The following CDK18 variants were observed in gnomAD, a reference collection of about 807,000 sequenced individuals.
The protein encoded by CDK18 is cyclin dependent kinase 18.
Under a neutral mutation model 62.0 loss-of-function variants are expected in CDK18, and 52 were observed. That is an observed-to-expected ratio of 0.84 (90% confidence interval 0.67 to 1.06). The LOEUF (loss-of-function observed/expected upper bound fraction) is 1.06. Ranked by LOEUF, CDK18 falls within the 50% of genes least tolerant of loss-of-function variation. The pLI is 0.00. For missense variants in CDK18, 604 were observed against 619.9 expected (o/e 0.97, Z 0.27); for synonymous variants, 237 against 247.0 (o/e 0.96, Z 0.38).
Position 205,530,245 on chromosome 1 carries a change from C to G in CDK18, c.1222-14C>G. ...CCCCAGCCGGGCCCAATAGCCCCAC[C>G]CTGTGCCTTTCAGTATGAATCCAAG... On this transcript the variant is annotated splice_polypyrimidine_tract_variant and intron_variant, in intron 13 of 15. Transcript: ENST00000429964. 5 of 1,611,206 alleles carry G rather than the reference C, an allele frequency of 3.1e-6. No individual in the cohort carries two copies. The highest frequency in any genetic ancestry group is 3.4e-6 in the Non-Finnish European group (4 of 1,180,010).
rs1265550575 is a variant in CDK18, at chr1:205,526,362, C to T, written c.572-5C>T. On this transcript the variant is annotated splice_region_variant and splice_polypyrimidine_tract_variant and intron_variant, in intron 6 of 15. Transcript: ENST00000429964. ...AGGGACCCAGGTGGATCTGTCTCCT[C>T]ACAGTGTCTCTGCTGAAGAACCTGA... 2 of 1,612,720 alleles carry T rather than the reference C, an allele frequency of 1.2e-6. No individual in the cohort carries two copies. Among genetic ancestry groups the T allele is most frequent in the South Asian group, 1.1e-5 (1 of 91,070 alleles).
At chr1:205,511,566 A>G (rs894580805) in intron 1 of CDK18, among the ~76,000 whole-genome samples, 2 of 152,262 alleles carry the variant, frequency 1.3e-5, no homozygotes, top group Admixed American at 6.5e-5. Flanking sequence ...TAGAAGATGC[A>G]GATAAGCAAA....
At chr1:205,529,886 G>A in intron 13 of CDK18, 3 of 1,357,402 alleles carry the variant, frequency 2.2e-6, no homozygotes, top group South Asian at 1.5e-5. Flanking sequence ...TGAGATGACG[G>A]GACACACTTA....
At position 205,529,422 on chromosome 1, in the gene CDK18, G is replaced by T. The variant is rs1389847062; in HGVS notation, c.1171G>T (p.Ala391Ser). The change falls in exon 12 of 16, where the codon GCG becomes TCG. Residue 391 changes from alanine to serine, a missense_variant. Transcript: ENST00000429964. ...CYLPQPLINH[A>S]PRLDTDGIHL... The stretch of plus-strand genomic sequence containing the variant: ...CCTCCCGCAGCCGCTCATCAACCAC[G>T]CGCCCAGGTAGCCCCTGCGCCCGCC... The T allele has an allele frequency of 6.2e-7, 1 of 1,613,542 alleles. No individual in the cohort carries two copies. The highest frequency in any genetic ancestry group is 8.5e-7 in the Non-Finnish European group (1 of 1,179,846).
At position 205,517,762 on chromosome 1, in the gene CDK18, G is replaced by A. The variant is rs551696696; in HGVS notation, c.-21-5385G>A. On this transcript the variant is annotated intron_variant, in intron 1 of 15. Transcript: ENST00000429964. The surrounding 1 kb of genome is among the most constrained non-coding windows in gnomAD (Gnocchi z 4.1). ...CTTCTCACCATCTCCACTGCCCCCC[G>A]CTGGTCCCAGCCACCATCAAGCTCT... Among the ~76,000 whole-genome samples the A allele has an allele frequency of 1.3e-5, 2 of 151,696 alleles. No homozygotes were observed. Among genetic ancestry groups the A allele is most frequent in the Non-Finnish European group, 2.9e-5 (2 of 67,946 alleles).
Position 205,526,159 on chromosome 1 carries a change from C to T in CDK18, c.551C>T (p.Pro184Leu). Residue 184 changes from proline (P) to leucine (L), a missense_variant, in exon 6 of 16, where the codon CCC becomes CTC. Transcript: ENST00000429964. Reference protein sequence around the residue: ...EIRLEHEEGAPCTAIREVSLL... With the variant: ...EIRLEHEEGALCTAIREVSLL... Reference sequence around the variant, plus strand: ...CGGCTGGAGCACGAGGAGGGAGCGCCCTGCACTGCCATCCGAGAGGGTACA... The same window carrying T: ...CGGCTGGAGCACGAGGAGGGAGCGCTCTGCACTGCCATCCGAGAGGGTACA... 6.2e-7 allele frequency: 1 copy of T among 1,613,890 alleles called. No individual in the cohort carries two copies. The highest frequency in any genetic ancestry group is 1.1e-5 in the South Asian group (1 of 91,044).
At chr1:205,524,162 T>C in intron 3 of CDK18, 70 bp from the exon 4 acceptor site, 1 of 1,585,486 alleles carries the variant, frequency 6.3e-7, no homozygotes. Flanking sequence ...AGAGTGAAAG[T>C]CTGGAGCCCC....
chr1:205,526,527 G>T (rs1295898456), intron 7 of CDK18, 66 bp downstream of exon 7: 12 of 1,327,000 alleles, frequency 9.0e-6, no homozygotes, highest in Non-Finnish European at 1.2e-5. Flanking sequence ...GGGTAGGGGA[G>T]TGGGAAGCTG....
At chr1:205,506,948 T>C (rs985777665) in intron 1 of CDK18, among the ~76,000 whole-genome samples, 1 of 152,244 alleles carries the variant, frequency 6.6e-6, no homozygotes, top group Non-Finnish European at 1.5e-5. Flanking sequence ...CTAGAGGACA[T>C]GGAGCTGCCT....
chr1:205,529,638 G>T, intron 13 of CDK18, 75 bp downstream of exon 13: 1 of 1,610,116 alleles, frequency 6.2e-7, no homozygotes, highest in Admixed American at 1.7e-5. Flanking sequence ...CCGGGCCTAC[G>T]CCCCAACTTC....
chr1:205,526,584 A>C (rs1286728602), intron 7 of CDK18, 123 bp downstream of exon 7: 1 of 967,512 alleles, frequency 1.0e-6, no homozygotes, highest in East Asian at 2.4e-5. Context: ...CTTGTTCTGG[A>C]ATCAGATTTT....
At chr1:205,510,339 G>T (rs994295981) in intron 1 of CDK18, among the ~76,000 whole-genome samples, 8 of 152,166 alleles carry the variant, frequency 5.3e-5, no homozygotes, top group Non-Finnish European at 1.0e-4. Flanking sequence ...ATCCTGGCAG[G>T]ACCCACTGCC....
chr1:205,506,752 C>T (rs75401660), intron 1 of CDK18, among the ~76,000 whole-genome samples: 16,635 of 152,206 alleles, frequency 0.11, 1,419 homozygotes, highest in Admixed American at 0.28. Flanking sequence ...CGTCAGTCCT[C>T]AGGAGAAGAA....
rs1157226853 is a variant in CDK18 at position 205,517,186 on chromosome 1, G to A, written c.-21-5961G>A. 6.6e-6 allele frequency among the ~76,000 whole-genome samples: 1 copy of A among 152,168 alleles called. No individual in the cohort carries two copies. Among genetic ancestry groups the A allele is most frequent in the Non-Finnish European group, 1.5e-5 (1 of 68,028 alleles). On this transcript the variant is annotated intron_variant, in intron 1 of 15. Transcript: ENST00000429964. The surrounding 1 kb of genome is among the most constrained non-coding windows in gnomAD (Gnocchi z 4.1). ...AGAAGATGGGGCTTGTCTGCCAGTAGCCGGGGTTCCCTGCCTTGCACGGGC... is the reference window on the plus strand; with the variant it reads ...AGAAGATGGGGCTTGTCTGCCAGTAACCGGGGTTCCCTGCCTTGCACGGGC...
chr1:205,528,492 A>G lies in CDK18; in HGVS notation c.974+324A>G, dbSNP rs1668557012. ...CTTCCCCAAGCATCAGTCCCAGTGA[A>G]AATTTTGAAAGAGAAGTACTATTTT... On this transcript the variant is annotated intron_variant, in intron 10 of 15. Coordinates refer to ENST00000429964, the MANE Select transcript of CDK18 (RefSeq NM_212502.3). The surrounding 1 kb of genome is among the most constrained non-coding windows in gnomAD (Gnocchi z 4.2). Among the ~76,000 whole-genome samples, 1 of 152,130 alleles carries G rather than the reference A, an allele frequency of 6.6e-6. No individual in the cohort carries two copies. Among genetic ancestry groups the G allele is most frequent in the South Asian group, 2.1e-4 (1 of 4,834 alleles).
chr1:205,517,353 A>G lies in CDK18; in HGVS notation c.-21-5794A>G, dbSNP rs1667873366. On this transcript the variant is annotated intron_variant, in intron 1 of 15. Coordinates refer to ENST00000429964, the MANE Select transcript of CDK18 (RefSeq NM_212502.3). This position sits in a 1 kb window ranked among gnomAD's most constrained non-coding sequence, Gnocchi z 4.1. Reference sequence around the variant, plus strand: ...TCCTGGGATCCAAAAGCACCTTGCAATAAGGAAGTCTGCAGGGATGTTTGA... The same window carrying G: ...TCCTGGGATCCAAAAGCACCTTGCAGTAAGGAAGTCTGCAGGGATGTTTGA... Among the ~76,000 whole-genome samples the G allele has an allele frequency of 1.3e-5, 2 of 152,204 alleles. No homozygotes were observed. Among genetic ancestry groups the G allele is most frequent in the South Asian group, 2.1e-4 (1 of 4,828 alleles).
At chr1:205,515,589 A>G (rs969906731) in intron 1 of CDK18, among the ~76,000 whole-genome samples, 1 of 152,194 alleles carries the variant, frequency 6.6e-6, no homozygotes. Context: ...CTCAATTAGC[A>G]GCAAGGAAAC....
intron 4 of CDK18, 108 bp from the exon 5 acceptor site, chr1:205,525,031 A>G (rs1315200997): frequency 1.6e-6 from 1 of 638,188 alleles, no homozygotes; most frequent in Non-Finnish European, 2.8e-6. Flanking sequence ...CCCTTCCACC[A>G]TGGAGTCTCA....
chr1:205,526,920 G>A, intron 8 of CDK18, 83 bp downstream of exon 8: 3 of 1,134,542 alleles, frequency 2.6e-6, no homozygotes, highest in Non-Finnish European at 4.0e-6. Flanking sequence ...TCACCACCAG[G>A]GATCCGGCTG....
Sources: allele counts gnomAD v4.1 joint callset (sites outside exome capture counted in the v4.1 genomes callset), GRCh38; gene constraint gnomAD v4.1.1; non-coding constraint Gnocchi (gnomAD v3.1); transcripts MANE v1.5; gene names NCBI Gene and HGNC (gene_info 2026-07-23, HGNC 2026-07-21).